Variants in ABCA12 observed in about 807,000 individuals in gnomAD.
The protein encoded by ABCA12 is glucosylceramide transporter ABCA12.
ABCA12 carries 156 observed loss-of-function variants against 293.5 expected under a neutral mutation model. That is an observed-to-expected ratio of 0.53 (90% CI 0.47 to 0.61). The LOEUF (loss-of-function observed/expected upper bound fraction) is 0.61. Among genes scored for constraint, ABCA12 ranks in the 20% least tolerant of loss-of-function variants. The pLI, the probability that ABCA12 is intolerant of heterozygous loss-of-function variation, is 0.00. For synonymous variants in ABCA12, 1,063 were observed against 1,108.0 expected, an observed-to-expected ratio of 0.96 and a Z score of 0.81; for missense variants, 2,797 against 3,090.2, an observed-to-expected ratio of 0.91 and a Z score of 2.25.
At chr2:215,130,224 G>A (rs2105916492) in intron 1 of ABCA12, among the ~76,000 whole-genome samples, 1 of 145,436 alleles carries the variant, frequency 6.9e-6, no homozygotes, top group East Asian at 1.9e-4. Context: ...TTGGTTCTAT[G>A]TAAACTTTAG....
At position 215,015,509 on chromosome 2, in the gene ABCA12, A is replaced by G; in HGVS notation, c.1937T>C (p.Ile646Thr). 1 of 1,614,140 alleles carries G rather than the reference A, an allele frequency of 6.2e-7. No homozygotes were observed. The highest frequency in any genetic ancestry group is 8.5e-7 in the Non-Finnish European group (1 of 1,179,996). The change falls in exon 15 of 53, where the codon ATT (isoleucine) becomes ACT (threonine). Residue 646 changes from isoleucine (I) to threonine (T), a missense_variant. By Grantham distance (89) the Ile-to-Thr change is moderately conservative (BLOSUM62 -1). This residue lies in a region of ABCA12 where 2,130 missense variants were observed against 2,427.0 expected (regional missense o/e 0.88). Transcript: ENST00000272895. ...ACTTGCCTTGTATGTGAAGTTGTAA[A>G]TGTTTAAGTAGTGCAGAAGGGTGAG... ...IGLTLLHYLNIYNFTYKVFFP... is the reference protein window; with the variant it reads ...IGLTLLHYLNTYNFTYKVFFP...
At chr2:215,039,307 A>G (rs1174708292) in intron 7 of ABCA12, among the ~76,000 whole-genome samples, 2 of 152,256 alleles carry the variant, frequency 1.3e-5, no homozygotes, top group Non-Finnish European at 2.9e-5. Flanking sequence ...AAAGATTAAG[A>G]TAAACCAATG....
At chr2:215,136,013 T>C (rs899262230) in intron 1 of ABCA12, among the ~76,000 whole-genome samples, 7 of 152,176 alleles carry the variant, frequency 4.6e-5, no homozygotes, top group Non-Finnish European at 8.8e-5. Context: ...GTCCCTCTGG[T>C]TGGTTATAAT....
chr2:214,980,742 G>A, intron 30 of ABCA12, 99 bp from the exon 31 acceptor site: 1 of 1,459,166 alleles, frequency 6.9e-7, no homozygotes, highest in East Asian at 2.3e-5. Flanking sequence ...CATCTGAGAA[G>A]AGTCACATTT....
intron 2 of ABCA12, among the ~76,000 whole-genome samples, chr2:215,079,896 G>A (rs1463294068): frequency 3.3e-5 from 5 of 152,082 alleles, no homozygotes; most frequent in African/African-American, 2.4e-5. Context: ...TAGATATATC[G>A]ACAGGATTAA....
At chr2:214,952,985 A>C (rs1698826799) in intron 44 of ABCA12, among the ~76,000 whole-genome samples, 1 of 152,344 alleles carries the variant, frequency 6.6e-6, no homozygotes, top group African/African-American at 2.4e-5. Context: ...ACCGAAGATG[A>C]CAGTAAAAAC....
At chr2:214,989,275 T>C in intron 26 of ABCA12, 54 bp downstream of exon 26, 2 of 1,569,324 alleles carry the variant, frequency 1.3e-6, no homozygotes, top group Non-Finnish European at 8.7e-7. Context: ...TATTAGTTGA[T>C]TTATATTGAA....
At chr2:215,122,434 G>A (rs1424140867) in intron 1 of ABCA12, among the ~76,000 whole-genome samples, 2 of 152,154 alleles carry the variant, frequency 1.3e-5, no homozygotes, top group African/African-American at 4.8e-5. Context: ...ATCCTAAATT[G>A]TTTTATTCTA....
At chr2:214,971,496 C>T (rs1337911162) in intron 36 of ABCA12, among the ~76,000 whole-genome samples, 1 of 152,136 alleles carries the variant, frequency 6.6e-6, no homozygotes. Context: ...GAAGCCCCCT[C>T]ATCACACTCC....
chr2:215,134,334 ATATATATG>A (rs1703134770), intron 1 of ABCA12, among the ~76,000 whole-genome samples: 1 of 144,174 alleles, frequency 6.9e-6, no homozygotes, highest in Admixed American at 6.9e-5. Flanking sequence ...ATATATGTAC[ATATATATG>A]TATATGTGTA....
At chr2:215,119,552 T>C (rs1702757399) in intron 1 of ABCA12, among the ~76,000 whole-genome samples, 1 of 152,056 alleles carries the variant, frequency 6.6e-6, no homozygotes, top group Admixed American at 6.5e-5. Flanking sequence ...CACCTCTTAT[T>C]GAATAGGGAG....
intron 2 of ABCA12, among the ~76,000 whole-genome samples, chr2:215,079,136 T>G (rs997560344): frequency 6.6e-6 from 1 of 152,198 alleles, no homozygotes; most frequent in African/African-American, 2.4e-5. Flanking sequence ...AGTCTTCAAG[T>G]GCTTCATCTG....
chr2:214,980,736 T>C lies in ABCA12; in HGVS notation c.4580-93A>G, dbSNP rs1699629716. The C allele has an allele frequency of 2.0e-6, 3 of 1,496,624 alleles. No individual in the cohort carries two copies. In the Admixed American group the frequency reaches 5.1e-5, roughly 26 times the overall value. The allele number at this position is 1,496,624 out of a possible 1,614,324, so 92.7% of individuals were successfully genotyped here. On this transcript the variant is annotated intron_variant, in intron 30 of 52. Coordinates refer to ENST00000272895, the MANE Select transcript of ABCA12 (RefSeq NM_173076.3). ...TGGCCAGAGTAAATCCTGTGACATC[T>C]GAGAAGAGTCACATTTCATGAGCTA...
intron 42 of ABCA12, 81 bp downstream of exon 42, chr2:214,956,582 C>T (rs951690344): frequency 1.1e-5 from 11 of 990,890 alleles, no homozygotes; most frequent in Non-Finnish European, 1.7e-5. Context: ...TGTAATTTAG[C>T]TAATGAGATT....
chr2:215,132,839 T>C (rs1703090506), intron 1 of ABCA12, among the ~76,000 whole-genome samples: 1 of 152,124 alleles, frequency 6.6e-6, no homozygotes, highest in Non-Finnish European at 1.5e-5. Context: ...CTGTGAGCTT[T>C]GTACTTATGT....
At position 214,950,903 on chromosome 2, in the gene ABCA12, G is replaced by A; in HGVS notation, c.6828C>T (p.Ile2276=). ...CCTCTCCAGCAGGTATCCCAATGCTGATGTTGTTTACAGCTATAATCTTTT... is the reference window on the plus strand; with the variant it reads ...CCTCTCCAGCAGGTATCCCAATGCTAATGTTGTTTACAGCTATAATCTTTT... The part of the protein sequence containing the change: ...IHKKIIAVNN[I]SIGIPAGECF... The change falls in exon 45 of 53, where the codon ATC becomes ATT. Residue 2276 remains isoleucine (I), a synonymous_variant. Transcript: ENST00000272895. 6.2e-7 allele frequency: 1 copy of A among 1,614,110 alleles called. No individual in the cohort carries two copies. The highest frequency in any genetic ancestry group is 8.5e-7 in the Non-Finnish European group (1 of 1,179,980).
Position 214,987,808 on chromosome 2 carries a change from TATCAGG to T in ABCA12, c.3830-21_3830-16del. ...ACCGTATGTCCCTGGAATAAAAATA[TATCAGG>T]AACAGTGAGTTTTAGTTGACTGTTA... On this transcript the variant is annotated splice_polypyrimidine_tract_variant and intron_variant, in intron 26 of 52. Transcript: ENST00000272895. 6.2e-7 allele frequency: 1 copy of T among 1,612,366 alleles called. No individual in the cohort carries two copies. Among genetic ancestry groups the T allele is most frequent in the Non-Finnish European group, 8.5e-7 (1 of 1,179,148 alleles).
intron 7 of ABCA12, among the ~76,000 whole-genome samples, chr2:215,037,685 A>G (rs1701020570): frequency 6.6e-6 from 1 of 152,214 alleles, no homozygotes; most frequent in African/African-American, 2.4e-5. Context: ...TGGGCAGTCT[A>G]CACTGGGGAT....
In ABCA12 at chr2:214,947,428, T is replaced by C; in HGVS notation, c.7233A>G (p.Leu2411=). The C allele has an allele frequency of 6.2e-7, 1 of 1,613,858 alleles. No homozygotes were observed. Among genetic ancestry groups the C allele is most frequent in the East Asian group, 2.2e-5 (1 of 44,856 alleles). Residue 2411 remains leucine (L), a synonymous_variant, in exon 48 of 53, where the codon CTA becomes CTG. Transcript: ENST00000272895. ...TAAATAATGATTCTCTTACCAGCAG[T>C]AGAATGGAAGGTTTCCCTATCAAGG... ...ALALIGKPSI[L]LLDEPSSGMD...
Sources: gnomAD v4.1 joint callset for allele counts (sites outside exome capture counted in the v4.1 genomes callset) on GRCh38, gnomAD v4.1.1 for gene constraint, gnomAD v4.1.1 regional missense constraint, MANE v1.5 for transcripts, NCBI Gene and HGNC (gene_info 2026-07-23, HGNC 2026-07-21) for gene names.